P2RX3: variants seen among roughly 807,000 people sequenced by gnomAD.
P2RX3 encodes the protein purinergic receptor P2X 3.
In P2RX3, 41 loss-of-function variants were observed where a neutral mutation model predicts 51.5. The observed-to-expected ratio is 0.80, with a 90% CI of 0.62 to 1.03. The LOEUF (loss-of-function observed/expected upper bound fraction) is 1.03. Ranked by LOEUF, P2RX3 falls within the 50% of genes least tolerant of loss-of-function variation. The pLI is 0.00. For missense variants in P2RX3, 459 were observed against 522.1 expected (o/e 0.88, Z 1.18); for synonymous variants, 185 against 191.6 (o/e 0.97, Z 0.29).
At chr11:57,344,624 G>A (rs1017089678) in intron 1 of P2RX3, among the ~76,000 whole-genome samples, 1 of 152,162 alleles carries the variant, frequency 6.6e-6, no homozygotes, top group African/African-American at 2.4e-5. Context: ...ACTTGAGCCC[G>A]GGAGGCAGAG....
intron 8 of P2RX3, among the ~76,000 whole-genome samples, chr11:57,354,638 T>C (rs1454649239): frequency 1.3e-5 from 2 of 151,376 alleles, no homozygotes; most frequent in Non-Finnish European, 3.0e-5. Flanking sequence ...CAGGTGATGT[T>C]GTGTGTGTGT....
chr11:57,368,055 C>T lies in P2RX3; in HGVS notation c.889C>T (p.Leu297Phe), dbSNP rs770935345. The change falls in exon 9 of 12, where the codon CTC becomes TTC. Residue 297 changes from leucine (L) to phenylalanine (F), a missense_variant. Transcript: ENST00000263314. ...GGAAAATGGCAGTGAGTACCGCACC[C>T]TCCTGAAGGCTTTTGGCATCCGCTT... is the stretch of plus-strand genomic sequence containing the variant. ...KMENGSEYRT[L>F]LKAFGIRFDV... 3.1e-6 allele frequency: 5 copies of T among 1,614,190 alleles called. No homozygotes were observed. The highest frequency in any genetic ancestry group is 3.3e-4 in the Middle Eastern group (2 of 6,062).
At chr11:57,349,987 G>T (rs1856514963) in intron 7 of P2RX3, 89 bp downstream of exon 7, 3 of 1,546,118 alleles carry the variant, frequency 1.9e-6, no homozygotes, top group Non-Finnish European at 2.6e-6. Flanking sequence ...GCACTGGCCA[G>T]GAGCCGCCGC....
chr11:57,343,743 T>G (rs1856383663), intron 1 of P2RX3, among the ~76,000 whole-genome samples: 1 of 152,238 alleles, frequency 6.6e-6, no homozygotes, highest in Non-Finnish European at 1.5e-5. Context: ...ATGTCTATTC[T>G]GTGGCTAGGC....
rs371450942 is a variant in P2RX3, at chr11:57,369,918, C to T, written c.1115C>T (p.Thr372Ile). The change falls in exon 12 of 12, where the codon ACC becomes ATC. Residue 372 changes from threonine to isoleucine, a missense_variant. Coordinates refer to ENST00000263314, the MANE Select transcript of P2RX3 (RefSeq NM_002559.5). Reference protein sequence around the residue: ...NETTLKIAALTNPVYPSDQTT... With the variant: ...NETTLKIAALINPVYPSDQTT... Reference sequence around the variant, plus strand: ...ACTACGCTGAAAATCGCGGCTTTGACCAACCCAGTGTACCCCAGCGACCAG... The same window carrying T: ...ACTACGCTGAAAATCGCGGCTTTGATCAACCCAGTGTACCCCAGCGACCAG... The T allele has an allele frequency of 1.9e-6, 3 of 1,614,066 alleles. No homozygotes were observed. Among genetic ancestry groups the T allele is most frequent in the African/African-American group, 1.3e-5 (1 of 75,056 alleles).
At chr11:57,352,414 G>A (rs891199138) in intron 8 of P2RX3, among the ~76,000 whole-genome samples, 1 of 152,124 alleles carries the variant, frequency 6.6e-6, no homozygotes, top group Non-Finnish European at 1.5e-5. Flanking sequence ...TATTCAGTTG[G>A]TATATCACAC....
chr11:57,365,790 G>C (rs1246950527), intron 8 of P2RX3, among the ~76,000 whole-genome samples: 1 of 152,216 alleles, frequency 6.6e-6, no homozygotes, highest in Non-Finnish European at 1.5e-5. Flanking sequence ...AGCCAGAGCA[G>C]ATAGTGGCAT....
upstream of P2RX3, among the ~76,000 whole-genome samples, chr11:57,337,092 G>C (rs1337831264): frequency 1.3e-5 from 2 of 152,046 alleles, no homozygotes; most frequent in African/African-American, 4.8e-5. Context: ...AGGAGTTTGA[G>C]ACCAGACTGG....
At position 57,369,919 on chromosome 11, in the gene P2RX3, C is replaced by G. The variant is rs576245568; in HGVS notation, c.1116C>G (p.Thr372=). The G allele has an allele frequency of 8.1e-6, 13 of 1,614,100 alleles. No homozygotes were observed. In the African/African-American group the frequency reaches 1.5e-4, roughly 18 times the overall value. The change falls in exon 12 of 12, where the codon ACC becomes ACG. Residue 372 remains threonine, a synonymous_variant. Coordinates refer to ENST00000263314, the MANE Select transcript of P2RX3 (RefSeq NM_002559.5). Reference sequence around the variant, plus strand: ...CTACGCTGAAAATCGCGGCTTTGACCAACCCAGTGTACCCCAGCGACCAGA... The same window carrying G: ...CTACGCTGAAAATCGCGGCTTTGACGAACCCAGTGTACCCCAGCGACCAGA... The part of the protein sequence containing the change: ...NETTLKIAAL[T]NPVYPSDQTT...
chr11:57,337,727 G>A (rs1178227357), upstream of P2RX3, among the ~76,000 whole-genome samples: 2 of 152,262 alleles, frequency 1.3e-5, no homozygotes, highest in African/African-American at 2.4e-5. Context: ...TGTAAATGAC[G>A]GGTATATTTA....
chr11:57,355,680 T>G (rs1312287267), intron 8 of P2RX3, among the ~76,000 whole-genome samples: 1 of 152,198 alleles, frequency 6.6e-6, no homozygotes, highest in Non-Finnish European at 1.5e-5. Flanking sequence ...AAATACATTC[T>G]CAGAGTAATA....
intron 3 of P2RX3, 60 bp from the exon 4 acceptor site, chr11:57,347,355 C>T (rs888687822): frequency 2.3e-5 from 36 of 1,535,886 alleles, no homozygotes; most frequent in Admixed American, 1.4e-4. Flanking sequence ...TCGAGGGAGT[C>T]GCGGAGCTCA....
intron 1 of P2RX3, among the ~76,000 whole-genome samples, chr11:57,339,518 T>TAC (rs10685137): frequency 0.36 from 54,116 of 150,428 alleles, 10,535 homozygotes; most frequent in African/African-American, 0.52. Flanking sequence ...AGCACACACC[T>TAC]ACACACACAC....
chr11:57,339,261 G>A (rs1237569387), intron 1 of P2RX3, among the ~76,000 whole-genome samples: 1 of 152,152 alleles, frequency 6.6e-6, no homozygotes, highest in Non-Finnish European at 1.5e-5. Context: ...TGCTCTTGAA[G>A]GGGAGGACAA....
At chr11:57,338,223 T>G (rs1856270147), upstream of P2RX3, among the ~76,000 whole-genome samples, 1 of 152,094 alleles carries the variant, frequency 6.6e-6, no homozygotes, top group Non-Finnish European at 1.5e-5. Flanking sequence ...AAAACATTAG[T>G]CCCAGAGGGC....
intron 8 of P2RX3, among the ~76,000 whole-genome samples, chr11:57,359,183 A>C (rs1468742159): frequency 6.6e-6 from 1 of 152,232 alleles, no homozygotes; most frequent in Non-Finnish European, 1.5e-5. Context: ...TGACAGGAGC[A>C]GCAGTCAAAG....
At chr11:57,336,325 A>G (rs72922000), upstream of P2RX3, among the ~76,000 whole-genome samples, 11,610 of 152,142 alleles carry the variant, frequency 0.076, 560 homozygotes, top group Non-Finnish European at 0.11. Context: ...TGAACTGTCA[A>G]GTTCACTGTC....
At chr11:57,345,521 A>G (rs906033251) in intron 1 of P2RX3, among the ~76,000 whole-genome samples, 1 of 151,904 alleles carries the variant, frequency 6.6e-6, no homozygotes, top group Admixed American at 6.6e-5. Flanking sequence ...GGCAGCATCT[A>G]CCTCCCAGTG....
chr11:57,365,893 T>A (rs528718367), intron 8 of P2RX3, among the ~76,000 whole-genome samples: 140 of 152,346 alleles, frequency 9.2e-4, no homozygotes, highest in African/African-American at 3.2e-3. Flanking sequence ...CTTCTCTCTG[T>A]TGTACAGGTT....
Sources: gnomAD v4.1 joint callset for allele counts (sites outside exome capture counted in the v4.1 genomes callset) on GRCh38, gnomAD v4.1.1 for gene constraint, MANE v1.5 for transcripts, NCBI Gene and HGNC (gene_info 2026-07-23, HGNC 2026-07-21) for gene names.